Variants in KALRN observed in about 807,000 individuals in gnomAD.
KALRN encodes kalirin RhoGEF kinase, also known as kalirin.
Under a neutral mutation model 353.7 loss-of-function variants are expected in KALRN, and 70 were observed. That is an observed-to-expected ratio of 0.20 (90% CI 0.16 to 0.24). The LOEUF (loss-of-function observed/expected upper bound fraction) is 0.24, where lower values mean the gene tolerates loss of function less well. Ranked by LOEUF, KALRN falls within the 10% of genes least tolerant of loss-of-function variation. KALRN has a pLI of 1.00. For synonymous variants in KALRN, 1,391 were observed against 1,434.8 expected (o/e 0.97, Z 0.69); for missense variants, 2,791 against 3,756.7 (o/e 0.74, Z 6.72).
At chr3:124,675,515 C>CTTTTTTT (rs199938833) in intron 49 of KALRN, 1 of 96,368 alleles carries the variant, frequency 1.0e-5, no homozygotes, top group Non-Finnish European at 2.0e-5. Context: ...TCCTCCTCTT[C>CTTTTTTT]TTCTTTTTTT....
At chr3:124,695,044 A>G (rs948053110) in intron 53 of KALRN, among the ~76,000 whole-genome samples, 3 of 150,064 alleles carry the variant, frequency 2.0e-5, no homozygotes, top group African/African-American at 7.4e-5. Context: ...ACATCTGGAC[A>G]TCCTGACATT....
chr3:124,413,418 A>C, intron 13 of KALRN, 52 bp from the exon 14 acceptor site: 1 of 1,483,916 alleles, frequency 6.7e-7, no homozygotes, highest in South Asian at 1.2e-5. Flanking sequence ...TTAACCTAAC[A>C]ATCTCTCGTG....
chr3:124,094,991 C>T, intron 1 of KALRN: 2 of 1,251,116 alleles, frequency 1.6e-6, no homozygotes, highest in Non-Finnish European at 2.3e-6. Flanking sequence ...AAAGACACAG[C>T]AGAGAGGGGA....
chr3:124,451,134 T>C (rs1244369520), intron 21 of KALRN, among the ~76,000 whole-genome samples: 1 of 151,956 alleles, frequency 6.6e-6, no homozygotes, highest in East Asian at 1.9e-4. Flanking sequence ...AAGATTACTA[T>C]CAAGAAGACA....
chr3:124,269,911 C>A (rs1035807240), intron 5 of KALRN, among the ~76,000 whole-genome samples: 3 of 152,188 alleles, frequency 2.0e-5, no homozygotes, highest in African/African-American at 7.2e-5. Flanking sequence ...TCCTGCCATA[C>A]CCACTTGTTT....
chr3:124,392,004 C>G (rs1354955492), intron 11 of KALRN, among the ~76,000 whole-genome samples: 2 of 152,158 alleles, frequency 1.3e-5, no homozygotes, highest in African/African-American at 4.8e-5. Context: ...TCCCTTTGCC[C>G]TCTAGTGGGA....
chr3:124,681,629 C>CTTTTTTTTTTTTTTTTTTTTTTTT (rs56934346), intron 51 of KALRN, among the ~76,000 whole-genome samples: 1 of 103,722 alleles, frequency 9.6e-6, no homozygotes. Flanking sequence ...CAGTGATTGT[C>CTTTTTTTTTTTTTTTTTTTTTTTT]TTTTTTTTTT....
At chr3:124,664,222 G>T (rs2085259223) in intron 45 of KALRN, among the ~76,000 whole-genome samples, 1 of 152,122 alleles carries the variant, frequency 6.6e-6, no homozygotes, top group Non-Finnish European at 1.5e-5. Context: ...CTGAACAGGA[G>T]TCTAACTGTG....
intron 34 of KALRN, among the ~76,000 whole-genome samples, chr3:124,586,801 G>A (rs1311713809): frequency 1.3e-5 from 2 of 152,188 alleles, no homozygotes; most frequent in African/African-American, 4.8e-5. Context: ...TGAAATGTGT[G>A]AAGATGAAAA....
intron 28 of KALRN, among the ~76,000 whole-genome samples, chr3:124,484,581 A>G (rs2062347195): frequency 6.6e-6 from 1 of 152,240 alleles, no homozygotes; most frequent in African/African-American, 2.4e-5. Context: ...ATATGAAGAC[A>G]TAATAAATTC....
At chr3:124,058,739 T>C (rs1436576799) in intron 1 of KALRN, among the ~76,000 whole-genome samples, 1 of 152,190 alleles carries the variant, frequency 6.6e-6, no homozygotes, top group Non-Finnish European at 1.5e-5. Flanking sequence ...TATCTGTCTT[T>C]TCACCCTTCA....
At chr3:124,622,491 A>G (rs1056493351) in intron 34 of KALRN, among the ~76,000 whole-genome samples, 1 of 152,124 alleles carries the variant, frequency 6.6e-6, no homozygotes, top group African/African-American at 2.4e-5. Flanking sequence ...GAGTTTTTTC[A>G]TTTTTGAGTT....
At chr3:124,642,806 G>GTTTTTT (rs71145471) in intron 37 of KALRN, among the ~76,000 whole-genome samples, 2 of 96,838 alleles carry the variant, frequency 2.1e-5, no homozygotes, top group Non-Finnish European at 3.8e-5. Flanking sequence ...CCCAAGCCTC[G>GTTTTTT]TTTTTTTTTT....
chr3:124,035,303 G>T (rs2039314312), intron 1 of KALRN, among the ~76,000 whole-genome samples: 1 of 152,128 alleles, frequency 6.6e-6, no homozygotes, highest in African/African-American at 2.4e-5. Flanking sequence ...TAGGGAAAAG[G>T]TGGTTCTGGG....
chr3:124,232,074 G>A (rs1177768043), intron 2 of KALRN, among the ~76,000 whole-genome samples: 3 of 152,126 alleles, frequency 2.0e-5, no homozygotes, highest in East Asian at 3.9e-4. Context: ...GGATATGAGA[G>A]GAATAAAATC....
At chr3:124,489,064 T>G (rs1452004127) in intron 29 of KALRN, among the ~76,000 whole-genome samples, 1 of 152,198 alleles carries the variant, frequency 6.6e-6, no homozygotes, top group African/African-American at 2.4e-5. Flanking sequence ...AACATTTTTT[T>G]GGGAGGCCAA....
At chr3:124,296,375 G>A (rs150829003) in intron 5 of KALRN, among the ~76,000 whole-genome samples, 1 of 152,212 alleles carries the variant, frequency 6.6e-6, no homozygotes, top group Non-Finnish European at 1.5e-5. Context: ...GTTCTCTCTA[G>A]CTCTTCCCCA....
In KALRN at chr3:124,398,753, A is replaced by G. The variant is rs1265098734; in HGVS notation, c.2228A>G (p.Glu743Gly). ...CACAGCAGCTCCATCAGCCACATCG[A>G]GTCGGTCCTGCAGCAGCTTGATGAT... is the stretch of plus-strand genomic sequence containing the variant. ...TPHSSSISHI[E>G]SVLQQLDDAQ... Residue 743 changes from glutamate to glycine, a missense_variant, in exon 13 of 60, where the codon GAG becomes GGG. By Grantham distance (98) the Glu-to-Gly change is moderately conservative. This residue lies in a region of KALRN where 452 missense variants were observed against 575.8 expected (regional missense o/e 0.78). Transcript: ENST00000682506. 1.2e-6 allele frequency: 2 copies of G among 1,614,038 alleles called. No homozygotes were observed. The highest frequency in any genetic ancestry group is 1.7e-5 in the Admixed American group (1 of 60,000).
At chr3:124,370,316 T>C (rs1264003125) in intron 10 of KALRN, among the ~76,000 whole-genome samples, 1 of 151,494 alleles carries the variant, frequency 6.6e-6, no homozygotes, top group African/African-American at 2.4e-5. Context: ...CCATCAAAAT[T>C]CTCAAAAAAA....
Sources: gnomAD v4.1 joint callset for allele counts (sites outside exome capture counted in the v4.1 genomes callset) on GRCh38, gnomAD v4.1.1 for gene constraint, gnomAD v4.1.1 regional missense constraint, MANE v1.5 for transcripts, NCBI Gene and HGNC (gene_info 2026-07-23, HGNC 2026-07-21) for gene names.